Variants in TRPC7 observed in about 807,000 individuals in gnomAD.
TRPC7 encodes the protein short transient receptor potential channel 7.
In TRPC7, 42 loss-of-function variants were observed where a neutral mutation model predicts 90.1. The ratio of observed to expected loss-of-function variants is 0.47; its 90% confidence interval spans 0.36 to 0.60. The LOEUF is 0.60. Ranked by LOEUF, TRPC7 falls within the 20% of genes least tolerant of loss-of-function variation. TRPC7 has a pLI of 0.00. For synonymous variants in TRPC7, 451 were observed against 436.3 expected, an observed-to-expected ratio of 1.03 and a Z score of -0.42; for missense variants, 955 against 1,112.3, an observed-to-expected ratio of 0.86 and a Z score of 2.01.
intron 3 of TRPC7, among the ~76,000 whole-genome samples, chr5:136,287,224 A>G (rs191996789): frequency 3.3e-5 from 5 of 151,958 alleles, no homozygotes; most frequent in African/African-American, 1.2e-4. Flanking sequence ...CCACCTCTTT[A>G]GGAGGTGGCC....
rs369489086 is a variant in TRPC7 at position 136,342,997 on chromosome 5, T to TG, written c.780+13610dup. 3.1e-3 allele frequency among the ~76,000 whole-genome samples: 474 copies of TG among 152,124 alleles called. 1 individual carries two copies. The highest frequency in any genetic ancestry group is 0.011 in the African/African-American group (449 of 41,488). On this transcript the variant is annotated intron_variant, in intron 2 of 11. Coordinates refer to ENST00000513104, the MANE Select transcript of TRPC7 (RefSeq NM_020389.3). ...TGTGATAGAGGTGGATAGAGATTAG[T>TG]GGGGAAAAGTTAGATTATTTAATGG...
chr5:136,213,530 C>T lies in TRPC7; in HGVS notation c.2494G>A (p.Gly832Ser). Residue 832 changes from glycine to serine, a missense_variant, in exon 12 of 12, where the codon GGT becomes AGT. Physicochemically the swap from Gly to Ser is moderately conservative, Grantham distance 56. Transcript: ENST00000513104. The stretch of plus-strand genomic sequence containing the variant: ...TGTTGAATCAGGTCTGCCAGCTCAC[C>T]AGTAGCTTGAGATTTTTCCTCAAGA... ...ELLEEKSQATGELADLIQQLS... is the reference protein window; with the variant it reads ...ELLEEKSQATSELADLIQQLS... The T allele has an allele frequency of 8.7e-6, 14 of 1,614,040 alleles. No individual in the cohort carries two copies. The highest frequency in any genetic ancestry group is 1.2e-5 in the Non-Finnish European group (14 of 1,179,904).
At chr5:136,293,774 G>A (rs886343786) in intron 3 of TRPC7, among the ~76,000 whole-genome samples, 2 of 152,104 alleles carry the variant, frequency 1.3e-5, no homozygotes, top group Non-Finnish European at 2.9e-5. Context: ...TTTCTTCACA[G>A]AATTGGAAAA....
chr5:136,275,524 C>G (rs1200875033), intron 3 of TRPC7, among the ~76,000 whole-genome samples: 4 of 152,096 alleles, frequency 2.6e-5, no homozygotes, highest in Non-Finnish European at 5.9e-5. Context: ...TTTTTTGTGG[C>G]GTGATGGAGC....
chr5:136,348,700 A>C (rs1425002484), intron 2 of TRPC7, among the ~76,000 whole-genome samples: 1 of 152,140 alleles, frequency 6.6e-6, no homozygotes, highest in Non-Finnish European at 1.5e-5. Flanking sequence ...TGGCTCTGTT[A>C]CTAGGGCCTG....
chr5:136,357,464 C>G (rs1760429917), intron 1 of TRPC7, 79 bp from the exon 2 acceptor site: 1 of 1,369,188 alleles, frequency 7.3e-7, no homozygotes, highest in South Asian at 1.4e-5. Context: ...GGTTGAGATA[C>G]ACAAAGAATA....
At chr5:136,361,716 A>C (rs1458093900) in intron 1 of TRPC7, among the ~76,000 whole-genome samples, 1 of 152,190 alleles carries the variant, frequency 6.6e-6, no homozygotes, top group Non-Finnish European at 1.5e-5. Flanking sequence ...ATATTCCCCA[A>C]CTGGATATAG....
At position 136,250,579 on chromosome 5, in the gene TRPC7, GGTA is replaced by G. The variant is rs373146911; in HGVS notation, c.1579+1067_1579+1069del. On this transcript the variant is annotated intron_variant, in intron 6 of 11. Transcript: ENST00000513104. Reference sequence around the variant, plus strand: ...GTTTGAACAAGAAAATGACCCAAAAGGTAGTAGTAAGACATAACTTATTTTAAA... The same window carrying G: ...GTTTGAACAAGAAAATGACCCAAAAGGTAGTAAGACATAACTTATTTTAAA... Among the ~76,000 whole-genome samples the G allele has an allele frequency of 4.0e-4, 61 of 152,234 alleles. No homozygotes were observed. The Middle Eastern group carries it at 0.014, about 34-fold the overall frequency.
intron 2 of TRPC7, among the ~76,000 whole-genome samples, chr5:136,350,717 G>A (rs1760168501): frequency 6.6e-6 from 1 of 152,182 alleles, no homozygotes. Flanking sequence ...CCCTAGTGTG[G>A]CCCTGAGGAA....
intron 3 of TRPC7, among the ~76,000 whole-genome samples, chr5:136,312,961 G>A (rs951321830): frequency 2.1e-5 from 3 of 142,772 alleles, no homozygotes; most frequent in African/African-American, 7.8e-5. Context: ...TTATCTATTA[G>A]AGTAGTGATT....
At position 136,356,911 on chromosome 5, in the gene TRPC7, C is replaced by T. The variant is rs1373580789; in HGVS notation, c.477G>A (p.Thr159=). Residue 159 remains threonine (T), a synonymous_variant, in exon 2 of 12, where the codon ACG becomes ACA. Coordinates refer to ENST00000513104, the MANE Select transcript of TRPC7 (RefSeq NM_020389.3). Reference sequence around the variant, plus strand: ...TGGGCGTGATGTCGTGGGAGAAGCGCGTGCCGTCCTCGTCGTAGGCATAGA... The same window carrying T: ...TGGGCGTGATGTCGTGGGAGAAGCGTGTGCCGTCCTCGTCGTAGGCATAGA... ...DDFYAYDEDG[T]RFSHDITPII... The T allele has an allele frequency of 9.3e-6, 15 of 1,613,856 alleles. No individual in the cohort carries two copies. In the South Asian group the frequency reaches 1.2e-4, roughly 13 times the overall value.
intron 3 of TRPC7, among the ~76,000 whole-genome samples, chr5:136,286,827 T>A (rs1164516846): frequency 6.6e-6 from 1 of 152,240 alleles, no homozygotes; most frequent in East Asian, 1.9e-4. Context: ...ATCTCCTCTC[T>A]GCCTTGACAT....
At chr5:136,305,473 GC>G (rs1173014149) in intron 3 of TRPC7, among the ~76,000 whole-genome samples, 19 of 151,580 alleles carry the variant, frequency 1.3e-4, no homozygotes, top group African/African-American at 4.6e-4. Context: ...GATTATTCAG[GC>G]CCCCTCCCTT....
At chr5:136,355,037 C>A (rs1004139312) in intron 2 of TRPC7, among the ~76,000 whole-genome samples, 3 of 152,210 alleles carry the variant, frequency 2.0e-5, no homozygotes, top group African/African-American at 7.2e-5. Flanking sequence ...CATACAGGGG[C>A]AGCTCCCCCA....
At chr5:136,240,870 T>C (rs558328717) in intron 7 of TRPC7, among the ~76,000 whole-genome samples, 2 of 152,204 alleles carry the variant, frequency 1.3e-5, no homozygotes, top group African/African-American at 4.8e-5. Context: ...GGTCAACAAT[T>C]TGATATTTAT....
intron 3 of TRPC7, among the ~76,000 whole-genome samples, chr5:136,309,419 T>G (rs1758755779): frequency 6.6e-6 from 1 of 152,212 alleles, no homozygotes. Flanking sequence ...TCAGGCTGCT[T>G]CTACCTCAGA....
chr5:136,275,034 G>A (rs1757318928), intron 3 of TRPC7, among the ~76,000 whole-genome samples, 197 bp from the exon 4 acceptor site: 1 of 152,184 alleles, frequency 6.6e-6, no homozygotes, highest in South Asian at 2.1e-4. Context: ...ACTTTGTGCT[G>A]TGGCCAGAGT....
At chr5:136,219,710 G>A (rs1304351130) in intron 10 of TRPC7, among the ~76,000 whole-genome samples, 2 of 152,232 alleles carry the variant, frequency 1.3e-5, no homozygotes, top group Admixed American at 6.5e-5. Flanking sequence ...AAGTTGCAGT[G>A]AGCCGAGATG....
intron 9 of TRPC7, 129 bp from the exon 10 acceptor site, chr5:136,225,483 TAC>T (rs1755597304): frequency 1.2e-6 from 1 of 807,842 alleles, no homozygotes; most frequent in Non-Finnish European, 2.0e-6. Context: ...AAAGCTGATT[TAC>T]CTGGTGCTGC....
Sources: gnomAD v4.1 joint callset for allele counts (sites outside exome capture counted in the v4.1 genomes callset) on GRCh38, gnomAD v4.1.1 for gene constraint, MANE v1.5 for transcripts, NCBI Gene and HGNC (gene_info 2026-07-23, HGNC 2026-07-21) for gene names.